Variants in MFSD1 observed in about 807,000 individuals in gnomAD.
The protein encoded by MFSD1 is major facilitator superfamily domain containing 1, also known as lysosomal dipeptide transporter MFSD1.
A neutral mutation model predicts 67.1 loss-of-function variants in MFSD1; 59 were observed. The observed-to-expected ratio is 0.88, with a 90% CI of 0.71 to 1.09. The LOEUF (loss-of-function observed/expected upper bound fraction) is 1.09. MFSD1 is among the 50% of genes least tolerant of loss of function. The probability of loss-of-function intolerance (pLI) is 0.00; values close to 1 mark genes in which losing one functional copy is unlikely to be tolerated. For missense variants in MFSD1, 552 were observed against 566.1 expected (o/e 0.97, Z 0.25); for synonymous variants, 213 against 200.3 (o/e 1.06, Z -0.54).
intron 7 of MFSD1, among the ~76,000 whole-genome samples, chr3:158,817,395 G>C (rs1730423138): frequency 6.6e-6 from 1 of 152,142 alleles, no homozygotes; most frequent in African/African-American, 2.4e-5. Context: ...AGCAACTTCA[G>C]CAAAGTCTCA....
intron 1 of MFSD1, among the ~76,000 whole-genome samples, chr3:158,803,620 G>A (rs1490376390): frequency 1.3e-5 from 2 of 152,022 alleles, no homozygotes; most frequent in Non-Finnish European, 2.9e-5. Flanking sequence ...CAATAGCCTC[G>A]TGCACTTGTA....
rs144690577 is a variant in MFSD1, at chr3:158,806,988, A to AT, written c.330-42dup. On this transcript the variant is annotated intron_variant, in intron 3 of 15. Transcript: ENST00000415822. ...AATACTAATGTAAACAGAAATTAAG[A>AT]TTTTTTTTTTCTTTTTCTTTTTCTC... The AT allele has an allele frequency of 6.5e-3, 9,175 of 1,408,642 alleles. 135 individuals are homozygous for AT. In the African/African-American group the frequency reaches 0.067, roughly 10 times the overall value. The allele number at this position is 1,408,642 out of a possible 1,614,324, so 87.3% of individuals were successfully genotyped here. A position where few individuals can be genotyped will look rare whatever the true frequency, so the allele number is the denominator to read the frequency against.
In MFSD1 at chr3:158,820,465, G is replaced by A. The variant is rs550201180; in HGVS notation, c.863+139G>A. 1.8e-5 allele frequency: 11 copies of A among 598,058 alleles called. No individual in the cohort carries two copies. In the South Asian group the frequency reaches 2.3e-4, roughly 13 times the overall value. The allele number at this position is 598,058 out of a possible 1,614,324, so 37.0% of individuals were successfully genotyped here. A position where few individuals can be genotyped will look rare whatever the true frequency, so the allele number is the denominator to read the frequency against. On this transcript the variant is annotated intron_variant, in intron 9 of 15. Transcript: ENST00000415822. ...TTCACAGGAATTACTTTAGATCCTG[G>A]GATATACATTTTCTTTTAGCTTAAG... is the stretch of plus-strand genomic sequence containing the variant.
chr3:158,829,477 A>C lies in MFSD1; in HGVS notation c.*495A>C, dbSNP rs1731200102. 6.6e-6 allele frequency: 1 copy of C among 152,348 alleles called. No individual in the cohort carries two copies. The highest frequency in any genetic ancestry group is 2.4e-5 in the African/African-American group (1 of 41,478). 9.4% of individuals were successfully genotyped at this position (152,348 alleles called of 1,614,324 possible). ...GGGAATATGTGAAGATGTTTTTATGAAGTCTCTTTCTGATCACGAACAATA... is the reference window on the plus strand; with the variant it reads ...GGGAATATGTGAAGATGTTTTTATGCAGTCTCTTTCTGATCACGAACAATA... On this transcript the variant is annotated 3_prime_UTR_variant, in exon 16 of 16. Transcript: ENST00000415822.
rs747516711 is a variant in MFSD1, at chr3:158,819,676, T to C, written c.680T>C (p.Ile227Thr). 1 of 1,600,316 alleles carries C rather than the reference T, an allele frequency of 6.2e-7. No homozygotes were observed. Among genetic ancestry groups the C allele is most frequent in the Non-Finnish European group, 8.5e-7 (1 of 1,169,756 alleles). Residue 227 changes from isoleucine to threonine, a missense_variant, in exon 8 of 16, where the codon ATC becomes ACC. Coordinates refer to ENST00000415822, the MANE Select transcript of MFSD1 (RefSeq NM_022736.4). ...GGTATAACGTGTATTCTTTCACTAA[T>C]CTGTGCCTTGGCTCTTGCCTACTTG... ...IGGITCILSL[I>T]CALALAYLDQ...
intron 5 of MFSD1, chr3:158,808,946 G>A (rs752560985): frequency 5.5e-5 from 22 of 399,352 alleles, no homozygotes; most frequent in Non-Finnish European, 9.0e-5. Context: ...TGCGAGTGTC[G>A]GAGTGAAAAG....
At chr3:158,828,462 A>C (rs1468988422) in intron 15 of MFSD1, among the ~76,000 whole-genome samples, 2 of 152,062 alleles carry the variant, frequency 1.3e-5, no homozygotes, top group Non-Finnish European at 1.5e-5. Flanking sequence ...TATCTTTATG[A>C]TAGTCATATT....
intron 7 of MFSD1, among the ~76,000 whole-genome samples, chr3:158,816,584 C>T (rs1730360268): frequency 6.6e-6 from 1 of 151,166 alleles, no homozygotes; most frequent in African/African-American, 2.4e-5. Context: ...CGAAAATTTT[C>T]TCCCATTTTG....
At chr3:158,812,913 G>C (rs1730109245) in intron 6 of MFSD1, among the ~76,000 whole-genome samples, 1 of 152,002 alleles carries the variant, frequency 6.6e-6, no homozygotes, top group South Asian at 2.1e-4. Flanking sequence ...TGGGGCCTGT[G>C]CAGTGGCTGT....
intron 14 of MFSD1, 69 bp downstream of exon 14, chr3:158,826,131 C>A: frequency 7.8e-7 from 1 of 1,281,860 alleles, no homozygotes; most frequent in Non-Finnish European, 1.1e-6. Context: ...CTGGGTCTGC[C>A]TCTTTGGGGG....
intron 7 of MFSD1, among the ~76,000 whole-genome samples, chr3:158,817,074 T>C (rs910404611): frequency 6.6e-6 from 1 of 152,134 alleles, no homozygotes; most frequent in Admixed American, 6.6e-5. Flanking sequence ...TAGTTTGAAG[T>C]CAGGTAGCAT....
At chr3:158,813,764 C>G (rs1576904213) in intron 6 of MFSD1, among the ~76,000 whole-genome samples, 2 of 132,240 alleles carry the variant, frequency 1.5e-5, no homozygotes, top group South Asian at 4.8e-4. Flanking sequence ...AATAAATTGG[C>G]TTTTTTTTTT....
chr3:158,828,702 T>C (rs1731136052), intron 15 of MFSD1, among the ~76,000 whole-genome samples: 1 of 152,078 alleles, frequency 6.6e-6, no homozygotes, highest in Non-Finnish European at 1.5e-5. Context: ...TAAACCCAAT[T>C]ACTTATGTAT....
At chr3:158,802,984 TGA>T (rs2108200201) in intron 1 of MFSD1, among the ~76,000 whole-genome samples, 1 of 152,314 alleles carries the variant, frequency 6.6e-6, no homozygotes, top group East Asian at 1.9e-4. Context: ...AGAAAATGTA[TGA>T]GTGTGTCTTG....
intron 7 of MFSD1, among the ~76,000 whole-genome samples, chr3:158,816,551 C>T (rs1401628328): frequency 1.3e-5 from 2 of 151,566 alleles, no homozygotes; most frequent in African/African-American, 2.4e-5. Flanking sequence ...TGGATATTAG[C>T]CCTTTGTCAG....
At chr3:158,807,494 T>C (rs1409451243) in intron 5 of MFSD1, 31 bp downstream of exon 5, 3 of 1,512,618 alleles carry the variant, frequency 2.0e-6, no homozygotes, top group African/African-American at 1.4e-5. Context: ...TTTATCCTAA[T>C]GTATTATTGT....
rs2108243360 is a variant in MFSD1, at chr3:158,829,201, A to C, written c.*219A>C. On this transcript the variant is annotated 3_prime_UTR_variant, in exon 16 of 16. Coordinates refer to ENST00000415822, the MANE Select transcript of MFSD1 (RefSeq NM_022736.4). The stretch of plus-strand genomic sequence containing the variant: ...TAAAGAATTCTACTTTTAGTAGGCT[A>C]ATCAACAATGAAAGGGTTAGAAAAT... 1 of 375,914 alleles carries C rather than the reference A, an allele frequency of 2.7e-6. No individual in the cohort carries two copies. The highest frequency in any genetic ancestry group is 8.1e-5 in the South Asian group (1 of 12,360). 23.3% of individuals were successfully genotyped at this position (375,914 alleles called of 1,614,324 possible). A position where few individuals can be genotyped will look rare whatever the true frequency, so the allele number is the denominator to read the frequency against.
At chr3:158,807,267 C>A in intron 4 of MFSD1, 129 bp from the exon 5 acceptor site, 1 of 948,618 alleles carries the variant, frequency 1.1e-6, no homozygotes, top group Non-Finnish European at 1.6e-6. Context: ...AATATTTTAA[C>A]TTCACAGATT....
chr3:158,820,455 T>C, intron 9 of MFSD1, 129 bp downstream of exon 9: 1 of 632,592 alleles, frequency 1.6e-6, no homozygotes, highest in Non-Finnish European at 2.8e-6. Context: ...AGGAATTACT[T>C]TAGATCCTGG....
Sources: gnomAD v4.1 joint callset for allele counts (sites outside exome capture counted in the v4.1 genomes callset) on GRCh38, gnomAD v4.1.1 for gene constraint, MANE v1.5 for transcripts, NCBI Gene and HGNC (gene_info 2026-07-23, HGNC 2026-07-21) for gene names.